Variants in DOCK2 observed in about 807,000 individuals in gnomAD.
DOCK2 encodes the protein dedicator of cytokinesis 2, also known as dedicator of cytokinesis protein 2.
DOCK2 carries 87 observed loss-of-function variants against 248.9 expected under a neutral mutation model. The ratio of observed to expected loss-of-function variants is 0.35; its 90% CI spans 0.29 to 0.42. The LOEUF is 0.42. Among genes scored for constraint, DOCK2 ranks in the 10% least tolerant of loss-of-function variants. DOCK2 has a pLI of 1.00. For synonymous variants in DOCK2, 805 were observed against 821.6 expected (o/e 0.98, Z 0.35); for missense variants, 1,747 against 2,300.2 (o/e 0.76, Z 4.92).
In DOCK2 at chr5:169,792,867, G is replaced by A. The variant is rs146401080; in HGVS notation, c.2555-10191G>A. Among the ~76,000 whole-genome samples the A allele has an allele frequency of 5.3e-3, 801 of 152,250 alleles. 8 individuals carry two copies. The highest frequency in any genetic ancestry group is 0.02 in the Middle Eastern group (6 of 294). On this transcript the variant is annotated intron_variant, in intron 25 of 51. Coordinates refer to ENST00000520908, the MANE Select transcript of DOCK2 (RefSeq NM_004946.3). ...TATTTTTCTAAAAGCACTTTCTAAG[G>A]AGCTGGATTGGCTTTTTATTTTTCC...
chr5:169,640,668 A>G (rs2113078507), intron 1 of DOCK2, among the ~76,000 whole-genome samples: 1 of 152,338 alleles, frequency 6.6e-6, no homozygotes, highest in South Asian at 2.1e-4. Context: ...CTAATGGAAG[A>G]TAAAGGGTTA....
intron 27 of DOCK2, among the ~76,000 whole-genome samples, chr5:169,966,711 C>A (rs956627239): frequency 3.9e-5 from 6 of 152,152 alleles, no homozygotes; most frequent in Non-Finnish European, 5.9e-5. Context: ...CTATGGTCTC[C>A]TCACTCTGGG....
chr5:169,675,302 A>G (rs1342317476), intron 6 of DOCK2, among the ~76,000 whole-genome samples: 2 of 152,072 alleles, frequency 1.3e-5, no homozygotes, highest in African/African-American at 2.4e-5. Flanking sequence ...TGAGAACTAT[A>G]AGGACCTTCC....
intron 30 of DOCK2, 58 bp downstream of exon 30, chr5:169,996,222 G>T: frequency 6.4e-7 from 1 of 1,558,054 alleles, no homozygotes; most frequent in Non-Finnish European, 8.8e-7. Flanking sequence ...CTGACATTCT[G>T]GGCTGATTGC....
At chr5:169,930,166 A>G (rs1309394687) in intron 27 of DOCK2, among the ~76,000 whole-genome samples, 1 of 151,892 alleles carries the variant, frequency 6.6e-6, no homozygotes, top group African/African-American at 2.4e-5. Flanking sequence ...AATTTTTTGC[A>G]TTTTAGTAGA....
intron 23 of DOCK2, among the ~76,000 whole-genome samples, chr5:169,755,506 G>A (rs1467322654): frequency 3.3e-5 from 5 of 152,170 alleles, no homozygotes; most frequent in African/African-American, 1.2e-4. Flanking sequence ...ACTTTGGGAG[G>A]CTGAGGCGGG....
chr5:169,811,023 A>T lies in DOCK2; in HGVS notation c.2703+7817A>T, dbSNP rs1446326416. Among the ~76,000 whole-genome samples, 3 of 150,142 alleles carry T rather than the reference A, an allele frequency of 2.0e-5. No homozygotes were observed. In the South Asian group the frequency reaches 6.3e-4, roughly 32 times the overall value. ...CACACACACACACACACACACACAC[A>T]CTCATGCCTCTCCTTTGAAGAGGAT... On this transcript the variant is annotated intron_variant, in intron 26 of 51. Coordinates refer to ENST00000520908, the MANE Select transcript of DOCK2 (RefSeq NM_004946.3).
intron 20 of DOCK2, 79 bp from the exon 21 acceptor site, chr5:169,717,305 G>A (rs917958435): frequency 4.9e-5 from 57 of 1,154,906 alleles, no homozygotes; most frequent in Non-Finnish European, 6.4e-5. Context: ...ATTTTAATGG[G>A]GGTTGAATTA....
intron 27 of DOCK2, among the ~76,000 whole-genome samples, chr5:169,894,561 G>A (rs1773482724): frequency 6.6e-6 from 1 of 152,164 alleles, no homozygotes; most frequent in Admixed American, 6.5e-5. Flanking sequence ...AAGGGGAAGA[G>A]AAGGGGGGAA....
chr5:169,657,813 C>G (rs1343794080), intron 2 of DOCK2, among the ~76,000 whole-genome samples: 1 of 152,164 alleles, frequency 6.6e-6, no homozygotes, highest in East Asian at 1.9e-4. Context: ...TAATGATTGG[C>G]CAGTCCACTG....
At chr5:169,700,282 G>C (rs1465904139) in intron 13 of DOCK2, 143 bp downstream of exon 13, 3 of 1,256,264 alleles carry the variant, frequency 2.4e-6, no homozygotes, top group Non-Finnish European at 3.2e-6. Flanking sequence ...AACTAAAAAT[G>C]ATGTCTGTAT....
intron 6 of DOCK2, among the ~76,000 whole-genome samples, chr5:169,679,221 A>AAAATTTTATTTTTAAAATTTATTATAAT (rs1759515395): frequency 6.6e-6 from 1 of 152,144 alleles, no homozygotes; most frequent in Non-Finnish European, 1.5e-5. Flanking sequence ...ACCTTTTTTA[A>AAAATTTTATTTTTAAAATTTATTATAAT]AAATTTTATT....
At chr5:169,837,194 T>A (rs1769637630) in intron 26 of DOCK2, among the ~76,000 whole-genome samples, 1 of 152,082 alleles carries the variant, frequency 6.6e-6, no homozygotes, top group Non-Finnish European at 1.5e-5. Flanking sequence ...ATTTGCAGTG[T>A]GTTTAGGTTG....
At chr5:169,740,250 A>T (rs1763242926) in intron 22 of DOCK2, among the ~76,000 whole-genome samples, 1 of 152,040 alleles carries the variant, frequency 6.6e-6, no homozygotes, top group African/African-American at 2.4e-5. Flanking sequence ...AATGTTTCAG[A>T]TGGATTGTTT....
chr5:170,056,519 C>G lies in DOCK2; in HGVS notation c.4296-165C>G, dbSNP rs74406411. ...GTCAGGAAAGCCTGTGCAAAAGTCACTCTTACGGAGCCCAGAACACAGACC... is the reference window on the plus strand; with the variant it reads ...GTCAGGAAAGCCTGTGCAAAAGTCAGTCTTACGGAGCCCAGAACACAGACC... On this transcript the variant is annotated intron_variant, in intron 42 of 51. Transcript: ENST00000520908. 3.1e-3 allele frequency: 1,788 copies of G among 568,226 alleles called. 28 individuals are homozygous for G. Among genetic ancestry groups the G allele is most frequent in the African/African-American group, 0.031 (1,613 of 52,714 alleles). 35.2% of individuals were successfully genotyped at this position (568,226 alleles called of 1,614,324 possible). A position where few individuals can be genotyped will look rare whatever the true frequency, so the allele number is the denominator to read the frequency against.
intron 17 of DOCK2, 109 bp from the exon 18 acceptor site, chr5:169,713,912 TTCTTCAC>T (rs1026518840): frequency 1.7e-6 from 2 of 1,179,760 alleles, no homozygotes; most frequent in African/African-American, 3.1e-5. Context: ...TCTGATGATT[TTCTTCAC>T]TCTTTATGAC....
chr5:169,894,176 A>G (rs74929966), intron 27 of DOCK2, among the ~76,000 whole-genome samples: 7 of 152,322 alleles, frequency 4.6e-5, no homozygotes, highest in Non-Finnish European at 1.0e-4. Context: ...TGCCAAGACT[A>G]GGCATTATCA....
chr5:169,846,364 C>G (rs1770305188), intron 27 of DOCK2, among the ~76,000 whole-genome samples: 1 of 152,050 alleles, frequency 6.6e-6, no homozygotes, highest in Admixed American at 6.6e-5. Context: ...GATGACCATT[C>G]CTGATTTTTC....
At chr5:169,759,810 T>A (rs2113733948) in intron 24 of DOCK2, 35 bp downstream of exon 24, 1 of 1,612,912 alleles carries the variant, frequency 6.2e-7, no homozygotes, top group South Asian at 1.1e-5. Flanking sequence ...TGGGCTCTGC[T>A]GGCAAGCTAG....
Sources: gnomAD v4.1 joint callset for allele counts (sites outside exome capture counted in the v4.1 genomes callset) on GRCh38, gnomAD v4.1.1 for gene constraint, MANE v1.5 for transcripts, NCBI Gene and HGNC (gene_info 2026-07-23, HGNC 2026-07-21) for gene names.